HMG20A: variants seen among roughly 807,000 people sequenced by gnomAD.
HMG20A encodes high mobility group protein 20A.
HMG20A carries 17 observed loss-of-function variants against 43.9 expected under a neutral mutation model. That is an observed-to-expected ratio of 0.39 (90% CI 0.27 to 0.58). HMG20A has a LOEUF of 0.58. HMG20A is among the 20% of genes least tolerant of loss of function. HMG20A has a pLI of 0.59. For missense variants in HMG20A, 341 were observed against 438.2 expected (o/e 0.78, Z 1.98); for synonymous variants, 132 against 147.5 (o/e 0.89, Z 0.76).
intron 6 of HMG20A, among the ~76,000 whole-genome samples, chr15:77,476,106 G>A (rs1418047995): frequency 1.3e-5 from 2 of 152,122 alleles, no homozygotes; most frequent in African/African-American, 4.8e-5. Flanking sequence ...ACAGGAGCTC[G>A]GGTGTCAGAT....
chr15:77,499,476 C>A, the HMG20A span, among the ~76,000 whole-genome samples: 1 of 152,130 alleles, frequency 6.6e-6, no homozygotes, highest in African/African-American at 2.4e-5. Context: ...ACACGCCTCT[C>A]CCCAGCTCTT....
At chr15:77,518,596 G>T in the HMG20A span, among the ~76,000 whole-genome samples, 1 of 152,152 alleles carries the variant, frequency 6.6e-6, no homozygotes, top group Non-Finnish European at 1.5e-5. Flanking sequence ...CTTAGCTTCC[G>T]CATGGGCTCT....
chr15:77,481,460 T>C (rs2072905247), intron 9 of HMG20A, among the ~76,000 whole-genome samples: 1 of 152,222 alleles, frequency 6.6e-6, no homozygotes, highest in Non-Finnish European at 1.5e-5. Flanking sequence ...TGTGGAAGAT[T>C]GTGAAAGAAA....
intron 4 of HMG20A, among the ~76,000 whole-genome samples, chr15:77,468,048 A>G (rs992304810): frequency 2.6e-5 from 4 of 152,226 alleles, no homozygotes; most frequent in Non-Finnish European, 5.9e-5. Flanking sequence ...CAGACACACT[A>G]AAACCAAATG....
intron 1 of HMG20A, among the ~76,000 whole-genome samples, chr15:77,426,976 A>G (rs2073434022): frequency 6.6e-6 from 1 of 152,176 alleles, no homozygotes. Flanking sequence ...ACAAAGGAGA[A>G]AAACATCTTA....
chr15:77,436,170 C>T (rs993595397), intron 1 of HMG20A, among the ~76,000 whole-genome samples: 3 of 152,154 alleles, frequency 2.0e-5, no homozygotes, highest in African/African-American at 7.2e-5. Flanking sequence ...TTCCTTATCT[C>T]CATAAATGAC....
chr15:77,509,767 C>T, the HMG20A span, among the ~76,000 whole-genome samples: 1 of 151,804 alleles, frequency 6.6e-6, no homozygotes, highest in South Asian at 2.1e-4. Flanking sequence ...ATTAGCCAGG[C>T]ATGGTGGTGC....
chr15:77,460,551 G>A (rs958343856), intron 2 of HMG20A, among the ~76,000 whole-genome samples: 2 of 152,152 alleles, frequency 1.3e-5, no homozygotes, highest in Admixed American at 6.5e-5. Context: ...AAGTTTAGGC[G>A]AGACAGAGAA....
intron 4 of HMG20A, 43 bp downstream of exon 4, chr15:77,467,350 ATC>A (rs2072766248): frequency 3.4e-6 from 5 of 1,492,240 alleles, no homozygotes; most frequent in Admixed American, 1.7e-5. Context: ...TTTTGATTAT[ATC>A]TCAGAAATAA....
chr15:77,516,485 A>G, the HMG20A span, among the ~76,000 whole-genome samples: 1 of 152,090 alleles, frequency 6.6e-6, no homozygotes, highest in African/African-American at 2.4e-5. Context: ...TTGAAAAAGA[A>G]ACAAAGATAT....
At chr15:77,504,455 C>A in the HMG20A span, among the ~76,000 whole-genome samples, 1 of 152,262 alleles carries the variant, frequency 6.6e-6, no homozygotes, top group Non-Finnish European at 1.5e-5. Context: ...TTGGAACAGT[C>A]TGACATTTTG....
intron 4 of HMG20A, among the ~76,000 whole-genome samples, chr15:77,469,097 G>T (rs1456665279): frequency 6.6e-6 from 1 of 151,694 alleles, no homozygotes; most frequent in Non-Finnish European, 1.5e-5. Flanking sequence ...ACTTGCATAG[G>T]TGGTGGTGTG....
At chr15:77,474,002 A>G (rs940568498) in intron 6 of HMG20A, among the ~76,000 whole-genome samples, 3 of 152,238 alleles carry the variant, frequency 2.0e-5, no homozygotes, top group African/African-American at 2.4e-5. Flanking sequence ...CAATTGCAGT[A>G]TAAAAGAACT....
At chr15:77,424,846 C>T (rs1366467918) in intron 1 of HMG20A, among the ~76,000 whole-genome samples, 1 of 152,158 alleles carries the variant, frequency 6.6e-6, no homozygotes, top group African/African-American at 2.4e-5. Context: ...TACAGGCAGA[C>T]TTTCAACTCA....
intron 4 of HMG20A, 64 bp from the exon 5 acceptor site, chr15:77,470,846 G>T: frequency 2.2e-6 from 3 of 1,348,204 alleles, no homozygotes; most frequent in South Asian, 3.3e-5. Flanking sequence ...CTTCAAATAG[G>T]TAATTTAATT....
At chr15:77,424,880 G>A (rs1052975506) in intron 1 of HMG20A, among the ~76,000 whole-genome samples, 3 of 151,934 alleles carry the variant, frequency 2.0e-5, no homozygotes, top group Admixed American at 6.6e-5. Flanking sequence ...ATTTAAATAC[G>A]AAAACCAAAA....
At chr15:77,501,515 A>G in the HMG20A span, among the ~76,000 whole-genome samples, 1 of 152,252 alleles carries the variant, frequency 6.6e-6, no homozygotes, top group Admixed American at 6.5e-5. Flanking sequence ...CCCTGGAAGT[A>G]GAGAACCTCA....
chr15:77,430,254 T>C (rs959835787), intron 1 of HMG20A, among the ~76,000 whole-genome samples: 7 of 152,228 alleles, frequency 4.6e-5, no homozygotes, highest in Non-Finnish European at 1.0e-4. Flanking sequence ...AAATTGAAAC[T>C]TCAAATGTTT....
chr15:77,513,009 C>G, the HMG20A span, among the ~76,000 whole-genome samples: 3 of 152,104 alleles, frequency 2.0e-5, no homozygotes, highest in Non-Finnish European at 4.4e-5. Context: ...AGCCATTCTA[C>G]AAAATGACCA....
Sources: gnomAD v4.1 joint callset for allele counts (sites outside exome capture counted in the v4.1 genomes callset) on GRCh38, gnomAD v4.1.1 for gene constraint, MANE v1.5 for transcripts, NCBI Gene and HGNC (gene_info 2026-07-23, HGNC 2026-07-21) for gene names.